Variants in C4orf36 observed in about 807,000 individuals in gnomAD.
The protein encoded by C4orf36 is chromosome 4 open reading frame 36.
A neutral mutation model predicts 12.2 loss-of-function variants in C4orf36; 11 were observed. The observed-to-expected ratio is 0.90, with a 90% CI of 0.57 to 1.49. The LOEUF is 1.49. Among genes scored for constraint, C4orf36 ranks in the 40% most tolerant of loss-of-function variants. C4orf36 has a pLI of 0.00. For synonymous variants in C4orf36, 54 were observed against 51.3 expected (o/e 1.05, Z -0.22); for missense variants, 137 against 133.9 (o/e 1.02, Z -0.11).
the C4orf36 span, among the ~76,000 whole-genome samples, chr4:86,897,736 T>A: frequency 6.8e-6 from 1 of 147,588 alleles, no homozygotes; most frequent in Admixed American, 6.9e-5. Flanking sequence ...CAGGTCAGAA[T>A]CCATTCTCCT....
chr4:86,919,312 C>T, the C4orf36 span, among the ~76,000 whole-genome samples: 86 of 125,078 alleles, frequency 6.9e-4, 1 homozygote, highest in Non-Finnish European at 1.2e-3. Flanking sequence ...TGCTTTTTTC[C>T]CCCTTTTTTT....
chr4:86,908,765 C>T, the C4orf36 span, among the ~76,000 whole-genome samples: 123 of 152,154 alleles, frequency 8.1e-4, 1 homozygote, highest in Non-Finnish European at 1.4e-3. Context: ...ATGACTACTA[C>T]CCACTATTGT....
At chr4:86,934,544 G>A in the C4orf36 span, 1 of 152,198 alleles carries the variant, frequency 6.6e-6, no homozygotes, top group Middle Eastern at 3.2e-3. Flanking sequence ...TGTTTTATAA[G>A]ATTGTTGTGA....
At chr4:86,906,809 G>A in the C4orf36 span, among the ~76,000 whole-genome samples, 1 of 150,768 alleles carries the variant, frequency 6.6e-6, no homozygotes, top group South Asian at 2.1e-4. Context: ...GGAGGCCAAG[G>A]CAGGCAGATC....
chr4:86,885,636 A>G (rs904516927), intron 4 of C4orf36, among the ~76,000 whole-genome samples: 20 of 152,298 alleles, frequency 1.3e-4, no homozygotes, highest in African/African-American at 4.6e-4. Context: ...CAATCATGTC[A>G]TCTGCAAACA....
chr4:86,881,238 A>G (rs1045960318), intron 4 of C4orf36, among the ~76,000 whole-genome samples: 1 of 152,184 alleles, frequency 6.6e-6, no homozygotes, highest in Admixed American at 6.5e-5. Context: ...GGGAAAGTGG[A>G]GATGTAAAGA....
At position 86,876,290 on chromosome 4, in the gene C4orf36, TG is replaced by T; in HGVS notation, c.*155del. The T allele has an allele frequency of 9.0e-7, 1 of 1,111,134 alleles. No individual in the cohort carries two copies. The highest frequency in any genetic ancestry group is 1.2e-6 in the Non-Finnish European group (1 of 803,688). 68.8% of individuals were successfully genotyped at this position (1,111,134 alleles called of 1,614,324 possible). ...GAAATTAAGAGATTTTCTCGGTCTC[TG>T]GGCGGGCCGTGGGAGGCTTCCTGAG... On this transcript the variant is annotated 3_prime_UTR_variant, in exon 5 of 5. Transcript: ENST00000295898.
chr4:86,905,021 A>C, the C4orf36 span, among the ~76,000 whole-genome samples: 1 of 152,152 alleles, frequency 6.6e-6, no homozygotes, highest in Non-Finnish European at 1.5e-5. Context: ...GGATGGCTTG[A>C]GCCCAGGAGT....
At chr4:86,930,843 TACAG>T in the C4orf36 span, among the ~76,000 whole-genome samples, 8 of 152,312 alleles carry the variant, frequency 5.3e-5, no homozygotes, top group East Asian at 1.5e-3. Flanking sequence ...CATCACAAAA[TACAG>T]ACAGTTATTT....
chr4:86,905,379 G>A, the C4orf36 span, among the ~76,000 whole-genome samples: 1 of 150,786 alleles, frequency 6.6e-6, no homozygotes, highest in East Asian at 2.0e-4. Flanking sequence ...ACTCCATCTC[G>A]AAATAAATAA....
chr4:86,917,523 AGAG>A, the C4orf36 span, among the ~76,000 whole-genome samples: 1 of 146,976 alleles, frequency 6.8e-6, no homozygotes, highest in Non-Finnish European at 1.5e-5. Context: ...AAGAAAGAAA[AGAG>A]AGAGAAAGAG....
the C4orf36 span, among the ~76,000 whole-genome samples, chr4:86,901,589 T>A: frequency 4.0e-5 from 6 of 151,730 alleles, no homozygotes; most frequent in African/African-American, 1.2e-4. Flanking sequence ...TTTTTTGTAT[T>A]TTTAGTAGAG....
the C4orf36 span, chr4:86,913,800 T>C: frequency 8.8e-7 from 1 of 1,140,676 alleles, no homozygotes. Context: ...GCTGCCCCAG[T>C]GCATACTGAC....
the C4orf36 span, chr4:86,934,892 G>C: frequency 3.3e-5 from 5 of 152,148 alleles, no homozygotes; most frequent in African/African-American, 4.8e-5. Flanking sequence ...GCGCCAGCTA[G>C]AGGGCGCGGG....
the C4orf36 span, chr4:86,924,717 A>G: frequency 6.6e-6 from 1 of 152,224 alleles, no homozygotes; most frequent in Non-Finnish European, 1.5e-5. Context: ...ATTTTCTGTG[A>G]ACTTGTATGC....
At chr4:86,903,898 A>G in the C4orf36 span, among the ~76,000 whole-genome samples, 1 of 152,158 alleles carries the variant, frequency 6.6e-6, no homozygotes, top group Non-Finnish European at 1.5e-5. Flanking sequence ...CCAAGTCCCC[A>G]CTGACTAGCT....
the C4orf36 span, chr4:86,913,637 C>G: frequency 1.3e-6 from 2 of 1,560,544 alleles, no homozygotes; most frequent in African/African-American, 2.7e-5. Context: ...TGTGTGAGAC[C>G]TGCACACTTT....
intron 4 of C4orf36, among the ~76,000 whole-genome samples, chr4:86,879,653 AG>A (rs141004395): frequency 0.02 from 3,052 of 152,274 alleles, 115 homozygotes; most frequent in African/African-American, 0.069. Flanking sequence ...CCCAAATTTG[AG>A]GAAGAAAATG....
chr4:86,889,600 C>T (rs1457729910), intron 2 of C4orf36, among the ~76,000 whole-genome samples: 1 of 152,134 alleles, frequency 6.6e-6, no homozygotes, highest in African/African-American at 2.4e-5. Context: ...CCTCAGTTTA[C>T]AGATTAGAAA....
Sources: allele counts gnomAD v4.1 joint callset (sites outside exome capture counted in the v4.1 genomes callset), GRCh38; gene constraint gnomAD v4.1.1; transcripts MANE v1.5; gene names NCBI Gene and HGNC (gene_info 2026-07-23, HGNC 2026-07-21).